The following PLCB1 variants were observed in gnomAD, a reference collection of about 807,000 sequenced individuals.
PLCB1 encodes the protein phospholipase C beta 1.
In PLCB1, 46 loss-of-function variants were observed where a neutral mutation model predicts 161.8. That is an observed-to-expected ratio of 0.28 (90% CI 0.22 to 0.36). The LOEUF is 0.36. Among genes scored for constraint, PLCB1 ranks in the 10% least tolerant of loss-of-function variants. The pLI is 1.00. For missense variants in PLCB1, 1,016 were observed against 1,472.5 expected, an observed-to-expected ratio of 0.69 and a Z score of 5.07; for synonymous variants, 517 against 503.7, an observed-to-expected ratio of 1.03 and a Z score of -0.35.
At position 8,732,441 on chromosome 20, in the gene PLCB1, T is replaced by C. The variant is rs562570748; in HGVS notation, c.1889-797T>C. Among the ~76,000 whole-genome samples, 3 of 151,796 alleles carry C rather than the reference T, an allele frequency of 2.0e-5. No individual in the cohort carries two copies. In the East Asian group the frequency reaches 5.8e-4, roughly 29 times the overall value. ...GGCTTCAAAGATTTCACCACAATGATGTTTATCAAAACATTATAAGGGTGA... is the reference window on the plus strand; with the variant it reads ...GGCTTCAAAGATTTCACCACAATGACGTTTATCAAAACATTATAAGGGTGA... On this transcript the variant is annotated intron_variant, in intron 18 of 31. Transcript: ENST00000338037.
intron 27 of PLCB1, among the ~76,000 whole-genome samples, chr20:8,782,771 C>A (rs533319486): frequency 1.3e-5 from 2 of 152,132 alleles, no homozygotes; most frequent in South Asian, 4.2e-4. Flanking sequence ...AATGCTTTGA[C>A]TAAAAGGAAA....
chr20:8,140,204 G>A (rs1402318037), intron 1 of PLCB1, among the ~76,000 whole-genome samples: 1 of 152,168 alleles, frequency 6.6e-6, no homozygotes, highest in South Asian at 2.1e-4. Flanking sequence ...AAGGGTCTGT[G>A]CTGCTATGTT....
chr20:8,325,247 G>T (rs771420625), intron 2 of PLCB1, among the ~76,000 whole-genome samples: 1 of 152,146 alleles, frequency 6.6e-6, no homozygotes, highest in African/African-American at 2.4e-5. Flanking sequence ...TCAAGTTCCA[G>T]GTCTTCCAGA....
intron 31 of PLCB1, among the ~76,000 whole-genome samples, chr20:8,819,406 A>C (rs1237129602): frequency 6.6e-6 from 1 of 152,190 alleles, no homozygotes; most frequent in Non-Finnish European, 1.5e-5. Flanking sequence ...TAAAACTATA[A>C]ATCTTTAGAA....
intron 3 of PLCB1, among the ~76,000 whole-genome samples, chr20:8,534,391 C>A (rs1296068583): frequency 6.6e-6 from 1 of 152,188 alleles, no homozygotes; most frequent in Admixed American, 6.5e-5. Context: ...TCTTTGACAG[C>A]CTGTTACTAT....
intron 23 of PLCB1, among the ~76,000 whole-genome samples, chr20:8,755,788 A>G (rs959070263): frequency 2.6e-5 from 4 of 152,236 alleles, no homozygotes; most frequent in African/African-American, 9.6e-5. Context: ...TTATGTGCTT[A>G]GTCAGGGAGG....
chr20:8,396,856 G>A (rs1010206696), intron 3 of PLCB1, among the ~76,000 whole-genome samples: 2 of 151,994 alleles, frequency 1.3e-5, no homozygotes, highest in African/African-American at 2.4e-5. Flanking sequence ...TTTATCAGTT[G>A]TATAGCTGAA....
At chr20:8,644,212 A>G (rs1489932672) in intron 4 of PLCB1, among the ~76,000 whole-genome samples, 61 of 151,560 alleles carry the variant, frequency 4.0e-4, no homozygotes, top group East Asian at 7.8e-4. Context: ...CTGCCCGGCC[A>G]CCACCCCGTC....
At chr20:8,232,412 T>A (rs564553549) in intron 2 of PLCB1, among the ~76,000 whole-genome samples, 1 of 152,270 alleles carries the variant, frequency 6.6e-6, no homozygotes, top group East Asian at 1.9e-4. Flanking sequence ...TATTCTTGAT[T>A]TGAAAGCTGT....
chr20:8,441,912 C>G (rs2122614581), intron 3 of PLCB1, among the ~76,000 whole-genome samples: 1 of 152,184 alleles, frequency 6.6e-6, no homozygotes, highest in Non-Finnish European at 1.5e-5. Flanking sequence ...AGCATTGTAT[C>G]AAGATAAATA....
chr20:8,644,651 C>T (rs2123279445), intron 4 of PLCB1, among the ~76,000 whole-genome samples: 1 of 152,144 alleles, frequency 6.6e-6, no homozygotes, highest in African/African-American at 2.4e-5. Flanking sequence ...GCCAACCTGT[C>T]TGGGAAGTGA....
In PLCB1 at chr20:8,613,043, A is replaced by T. The variant is rs1987945777; in HGVS notation, c.247-15251A>T. 3.9e-5 allele frequency among the ~76,000 whole-genome samples: 6 copies of T among 152,300 alleles called. 1 individual carries two copies. In the South Asian group the frequency reaches 1.2e-3, roughly 32 times the overall value. On this transcript the variant is annotated intron_variant, in intron 3 of 31. Coordinates refer to ENST00000338037, the MANE Select transcript of PLCB1 (RefSeq NM_015192.4). ...TTCTGTTTGCTTTATTTTTAATGAT[A>T]AAGCAGTAGAGCTTGGAACTGTGGA...
intron 2 of PLCB1, among the ~76,000 whole-genome samples, chr20:8,337,735 C>T (rs1445442896): frequency 6.6e-6 from 1 of 152,128 alleles, no homozygotes; most frequent in Non-Finnish European, 1.5e-5. Flanking sequence ...CAAAGTTACA[C>T]CAGGGTTTTA....
chr20:8,238,027 G>A (rs892366233), intron 2 of PLCB1, among the ~76,000 whole-genome samples: 7 of 152,002 alleles, frequency 4.6e-5, no homozygotes, highest in Non-Finnish European at 7.4e-5. Context: ...TATTCTCAAA[G>A]ACGAAAATGA....
intron 26 of PLCB1, among the ~76,000 whole-genome samples, chr20:8,766,581 G>T (rs918195466): frequency 2.6e-5 from 4 of 152,212 alleles, no homozygotes; most frequent in Non-Finnish European, 5.9e-5. Flanking sequence ...CCCACTGCTA[G>T]GTTCTTTAGA....
rs796444147 is a variant in PLCB1, at chr20:8,463,177, GTGTGTC to G, written c.246+91733_246+91738del. ...TGTGTGTGTGTGTGTGTGTGTGTGT[GTGTGTC>G]TGTGTATGTGTGTGTGCTCCTGCAT... On this transcript the variant is annotated intron_variant, in intron 3 of 31. Transcript: ENST00000338037. Among the ~76,000 whole-genome samples the G allele has an allele frequency of 7.0e-3, 1,054 of 151,130 alleles. 12 individuals are homozygous for G. The highest frequency in any genetic ancestry group is 0.024 in the African/African-American group (983 of 41,120).
At chr20:8,874,147 A>G (rs6056221) in intron 31 of PLCB1, among the ~76,000 whole-genome samples, 47,192 of 151,674 alleles carry the variant, frequency 0.31, 7,431 homozygotes, top group South Asian at 0.52. Context: ...TGTTGTATTT[A>G]TAAATCATGG....
intron 9 of PLCB1, among the ~76,000 whole-genome samples, chr20:8,677,706 A>T (rs1990119976): frequency 6.6e-6 from 1 of 152,172 alleles, no homozygotes; most frequent in Non-Finnish European, 1.5e-5. Context: ...CAGAGCTAAA[A>T]GACAGTGGAG....
chr20:8,849,400 G>A (rs758936135), intron 31 of PLCB1, among the ~76,000 whole-genome samples: 17 of 152,196 alleles, frequency 1.1e-4, no homozygotes, highest in Non-Finnish European at 2.2e-4. Flanking sequence ...GCAGGGCCGG[G>A]TGCGGTGGCT....
Sources: allele counts gnomAD v4.1 joint callset (sites outside exome capture counted in the v4.1 genomes callset), GRCh38; gene constraint gnomAD v4.1.1; transcripts MANE v1.5; gene names NCBI Gene and HGNC (gene_info 2026-07-23, HGNC 2026-07-21).